Variants in FAM234A observed in about 807,000 individuals in gnomAD.
FAM234A encodes the protein family with sequence similarity 234 member A, also known as protein FAM234A.
In FAM234A, 42 loss-of-function variants were observed where a neutral mutation model predicts 49.1. That is an observed-to-expected ratio of 0.86 (90% CI 0.67 to 1.11). The LOEUF is 1.11. Among genes scored for constraint, FAM234A ranks in the 50% least tolerant of loss-of-function variants. FAM234A has a pLI of 0.00. For synonymous variants in FAM234A, 369 were observed against 316.2 expected (o/e 1.17, Z -1.77); for missense variants, 815 against 745.2 (o/e 1.09, Z -1.09).
At position 254,115 on chromosome 16, in the gene FAM234A, C is replaced by T. The variant is rs934747384; in HGVS notation, c.-33-266C>T. 42 of 403,550 alleles carry T rather than the reference C, an allele frequency of 1.0e-4. 1 individual carries two copies. The highest frequency in any genetic ancestry group is 1.5e-3 in the Middle Eastern group (2 of 1,350). 25.0% of individuals were successfully genotyped at this position (403,550 alleles called of 1,614,324 possible). On this transcript the variant is annotated intron_variant, in intron 2 of 12. Transcript: ENST00000399932. ...TTTCCTGGGTTCGGCAGGCAGGAAG[C>T]ACCAGCGTGTTCTGGATGAAAATAG...
At chr16:235,426 A>G (rs1407414925) in intron 1 of FAM234A, among the ~76,000 whole-genome samples, 1 of 152,130 alleles carries the variant, frequency 6.6e-6, no homozygotes, top group East Asian at 1.9e-4. Context: ...CATAGAACAC[A>G]AAACAGAGGC....
At chr16:257,581 T>G (rs909660790) in intron 3 of FAM234A, among the ~76,000 whole-genome samples, 10 of 151,804 alleles carry the variant, frequency 6.6e-5, no homozygotes, top group African/African-American at 2.2e-4. Context: ...CATCACCAGA[T>G]CCCTTGTCAT....
rs774996392 is a variant in FAM234A, at chr16:263,305, G to T, written c.1015G>T (p.Gly339Cys). The part of the protein sequence containing the change: ...RYLMHVPGNA[G>C]ADVLLVGSEA... ...CCTGATGCATGTCCCAGGGAACGCC[G>T]GTGCAGATGTGCTTCTTGTGGGCTC... Residue 339 changes from glycine to cysteine, a missense_variant, in exon 9 of 13, where the codon GGT (glycine) becomes TGT (cysteine). Coordinates refer to ENST00000399932, the MANE Select transcript of FAM234A (RefSeq NM_032039.4). 1.9e-6 allele frequency: 3 copies of T among 1,613,192 alleles called. No individual in the cohort carries two copies. Among genetic ancestry groups the T allele is most frequent in the Non-Finnish European group, 2.5e-6 (3 of 1,180,008 alleles).
chr16:267,620 CAGTGCT>C (rs2051729517), downstream of FAM234A, among the ~76,000 whole-genome samples: 4 of 85,592 alleles, frequency 4.7e-5, no homozygotes, highest in African/African-American at 4.7e-4. Context: ...ACGTGTGCCT[CAGTGCT>C]ACACATGCCT....
intron 1 of FAM234A, among the ~76,000 whole-genome samples, chr16:245,658 T>C (rs1166666238): frequency 2.7e-5 from 4 of 146,466 alleles, no homozygotes; most frequent in Admixed American, 1.4e-4. Flanking sequence ...TGATAGCTGA[T>C]GAGCTGAAAA....
intron 6 of FAM234A, among the ~76,000 whole-genome samples, 199 bp downstream of exon 6, chr16:261,713 G>A (rs867458720): frequency 1.3e-5 from 2 of 152,220 alleles, no homozygotes; most frequent in Admixed American, 6.5e-5. Context: ...CAGCTTTGGG[G>A]CCTCCCCAAG....
chr16:244,855 T>A (rs1230253477), intron 1 of FAM234A, among the ~76,000 whole-genome samples: 1 of 148,580 alleles, frequency 6.7e-6, no homozygotes, highest in Admixed American at 6.7e-5. Context: ...GCCCGGCTAA[T>A]TTTTTTTTGT....
intron 2 of FAM234A, among the ~76,000 whole-genome samples, chr16:250,468 C>T (rs765956784): frequency 9.2e-5 from 14 of 151,980 alleles, no homozygotes; most frequent in African/African-American, 1.5e-4. Flanking sequence ...GGTCCTTGGT[C>T]GCGACTCATT....
At chr16:238,893 G>A (rs973057956) in intron 1 of FAM234A, among the ~76,000 whole-genome samples, 1 of 147,806 alleles carries the variant, frequency 6.8e-6, no homozygotes, top group African/African-American at 2.5e-5. Flanking sequence ...GACTATCCTG[G>A]CTAACATGGT....
intron 1 of FAM234A, among the ~76,000 whole-genome samples, chr16:241,845 G>A (rs995579738): frequency 2.0e-5 from 3 of 149,470 alleles, no homozygotes; most frequent in African/African-American, 5.0e-5. Flanking sequence ...GGCGGAGGTT[G>A]CAGTGAGCCA....
At chr16:251,466 C>G (rs905237110) in intron 2 of FAM234A, among the ~76,000 whole-genome samples, 3 of 151,922 alleles carry the variant, frequency 2.0e-5, no homozygotes, top group African/African-American at 2.4e-5. Flanking sequence ...CCTCCACCCC[C>G]CTGGGCTCTA....
At chr16:257,882 G>A (rs1025749156) in intron 3 of FAM234A, among the ~76,000 whole-genome samples, 19 of 151,670 alleles carry the variant, frequency 1.3e-4, no homozygotes, top group African/African-American at 3.6e-4. Context: ...TTTTGAGATC[G>A]AGTCTCGCTC....
intron 2 of FAM234A, among the ~76,000 whole-genome samples, chr16:252,055 C>T (rs1414914213): frequency 1.3e-5 from 2 of 149,714 alleles, no homozygotes; most frequent in African/African-American, 2.4e-5. Flanking sequence ...GGCTAGAGTG[C>T]GGTGGCATGA....
At chr16:261,539 C>G in intron 6 of FAM234A, 25 bp downstream of exon 6, 2 of 1,561,230 alleles carry the variant, frequency 1.3e-6, no homozygotes, top group South Asian at 1.2e-5. Flanking sequence ...GGCTCTGCTC[C>G]CAAGTCACGA....
chr16:264,430 C>T (rs1162730151), intron 11 of FAM234A, among the ~76,000 whole-genome samples, 184 bp from the exon 12 acceptor site: 3 of 152,226 alleles, frequency 2.0e-5, no homozygotes, highest in African/African-American at 7.2e-5. Context: ...CGGCAAGGAC[C>T]AGTGTCAGGA....
At chr16:264,768 C>T in intron 12 of FAM234A, 43 bp from the exon 13 acceptor site, 1 of 1,607,038 alleles carries the variant, frequency 6.2e-7, no homozygotes, top group Non-Finnish European at 8.5e-7. Context: ...TCTGCCCTGG[C>T]TGGTCCTGAG....
chr16:255,575 A>G (rs1221429650), intron 3 of FAM234A, among the ~76,000 whole-genome samples: 1 of 152,212 alleles, frequency 6.6e-6, no homozygotes, highest in Non-Finnish European at 1.5e-5. Flanking sequence ...CCCTGTCTCA[A>G]AAAGAGAAAA....
At chr16:261,293 C>T (rs147314328) in intron 5 of FAM234A, 91 bp from the exon 6 acceptor site, 3,038 of 1,483,284 alleles carry the variant, frequency 2.0e-3, no homozygotes, top group Non-Finnish European at 2.6e-3. Context: ...GATGCCTCAA[C>T]AGGAGCCTGC....
chr16:238,308 C>T (rs1002549480), intron 1 of FAM234A, among the ~76,000 whole-genome samples: 4 of 152,198 alleles, frequency 2.6e-5, no homozygotes, highest in African/African-American at 4.8e-5. Flanking sequence ...CATGAACCAC[C>T]GCCCCCGCCC....
Sources: allele counts gnomAD v4.1 joint callset (sites outside exome capture counted in the v4.1 genomes callset), GRCh38; gene constraint gnomAD v4.1.1; transcripts MANE v1.5; gene names NCBI Gene and HGNC (gene_info 2026-07-23, HGNC 2026-07-21).